DNAJC1: variants seen among roughly 807,000 people sequenced by gnomAD.
DNAJC1 encodes the protein dnaJ homolog subfamily C member 1.
Under a neutral mutation model 76.6 loss-of-function variants are expected in DNAJC1, and 58 were observed. That is an observed-to-expected ratio of 0.76 (90% CI 0.61 to 0.94). The LOEUF is 0.94. DNAJC1 is among the 40% of genes least tolerant of loss of function. DNAJC1 has a pLI of 0.00. For missense variants in DNAJC1, 689 were observed against 677.3 expected (o/e 1.02, Z -0.19); for synonymous variants, 258 against 267.9 (o/e 0.96, Z 0.36).
At chr10:21,999,889 A>G (rs946397009) in intron 1 of DNAJC1, among the ~76,000 whole-genome samples, 2 of 152,080 alleles carry the variant, frequency 1.3e-5, no homozygotes, top group Non-Finnish European at 2.9e-5. Context: ...CGGACTCCCA[A>G]ATTCCTATCT....
rs186876685 is a variant in DNAJC1 at position 21,842,401 on chromosome 10, G to T, written c.979-36302C>A. On this transcript the variant is annotated intron_variant, in intron 8 of 11. Transcript: ENST00000376980. ...TCCAAGGAAGAGATGAAAACACAGA[G>T]AGGTAGGGCCAGGATAAACTGGACT... Among the ~76,000 whole-genome samples the T allele has an allele frequency of 2.2e-3, 336 of 152,268 alleles. 3 individuals are homozygous for T. Among genetic ancestry groups the T allele is most frequent in the African/African-American group, 7.7e-3 (320 of 41,580 alleles).
At chr10:22,001,765 ACT>A (rs1304458267) in intron 1 of DNAJC1, among the ~76,000 whole-genome samples, 1 of 152,086 alleles carries the variant, frequency 6.6e-6, no homozygotes, top group African/African-American at 2.4e-5. Context: ...TATGTTTAAG[ACT>A]CTCTTTACGT....
At chr10:21,805,864 A>G in intron 9 of DNAJC1, 116 bp downstream of exon 9, 1 of 1,361,224 alleles carries the variant, frequency 7.3e-7, no homozygotes, top group African/African-American at 1.4e-5. Context: ...CAGGTCCTAA[A>G]AGGATTGTTG....
chr10:21,834,834 C>T (rs888768325), intron 8 of DNAJC1, among the ~76,000 whole-genome samples: 1 of 152,196 alleles, frequency 6.6e-6, no homozygotes, highest in African/African-American at 2.4e-5. Flanking sequence ...CCAGGAAGCT[C>T]GAACAGGGTG....
chr10:21,993,533 T>C (rs1384567140), intron 1 of DNAJC1, among the ~76,000 whole-genome samples: 1 of 152,192 alleles, frequency 6.6e-6, no homozygotes, highest in Non-Finnish European at 1.5e-5. Flanking sequence ...TACTTATGCC[T>C]ACAGTTGTGA....
chr10:21,836,420 T>G (rs1234244092), intron 8 of DNAJC1, among the ~76,000 whole-genome samples: 1 of 152,100 alleles, frequency 6.6e-6, no homozygotes, highest in African/African-American at 2.4e-5. Context: ...CTGCATCAAC[T>G]AACGAGCAAC....
At chr10:21,866,436 A>G (rs1564811980) in intron 8 of DNAJC1, among the ~76,000 whole-genome samples, 1 of 152,014 alleles carries the variant, frequency 6.6e-6, no homozygotes, top group South Asian at 2.1e-4. Context: ...CCCAAAGCAG[A>G]AAAGTTACTA....
chr10:21,760,517 C>A (rs1012756630), intron 10 of DNAJC1, among the ~76,000 whole-genome samples: 2 of 152,136 alleles, frequency 1.3e-5, no homozygotes, highest in Non-Finnish European at 2.9e-5. Flanking sequence ...TGACAATACC[C>A]AGTGCTGGCA....
In DNAJC1 at chr10:21,898,616, G is replaced by A. The variant is rs949610684; in HGVS notation, c.820+5906C>T. ...TGCCCAGGCTGGAGTGCAATGGCGC[G>A]ATCTTGGCTCACTGCAACCTCCACC... On this transcript the variant is annotated intron_variant, in intron 7 of 11. Coordinates refer to ENST00000376980, the MANE Select transcript of DNAJC1 (RefSeq NM_022365.4). Among the ~76,000 whole-genome samples the A allele has an allele frequency of 5.3e-5, 8 of 149,896 alleles. No individual in the cohort carries two copies. In the South Asian group the frequency reaches 1.3e-3, roughly 24 times the overall value.
chr10:21,944,348 T>C (rs1837470965), intron 1 of DNAJC1, among the ~76,000 whole-genome samples: 1 of 152,212 alleles, frequency 6.6e-6, no homozygotes, highest in African/African-American at 2.4e-5. Flanking sequence ...CTTATCTCCA[T>C]ATAAATAGAC....
chr10:22,001,249 A>C (rs1227982043), intron 1 of DNAJC1, among the ~76,000 whole-genome samples: 2 of 152,160 alleles, frequency 1.3e-5, no homozygotes, highest in Non-Finnish European at 2.9e-5. Flanking sequence ...CTAGTCACCA[A>C]ATGGCTCTGG....
intron 1 of DNAJC1, among the ~76,000 whole-genome samples, chr10:21,995,018 T>C (rs1044450410): frequency 2.6e-5 from 4 of 151,012 alleles, no homozygotes; most frequent in African/African-American, 9.7e-5. Context: ...CCACTTTAAG[T>C]CAGAAAAGAA....
intron 8 of DNAJC1, among the ~76,000 whole-genome samples, chr10:21,834,591 C>T (rs967032607): frequency 1.3e-4 from 20 of 152,176 alleles, no homozygotes; most frequent in Admixed American, 5.2e-4. Flanking sequence ...CAGTGACAGA[C>T]GGCACCTGGA....
chr10:21,794,007 GCTCAC>G (rs1267508462), intron 9 of DNAJC1, among the ~76,000 whole-genome samples: 3 of 152,140 alleles, frequency 2.0e-5, no homozygotes, highest in Non-Finnish European at 2.9e-5. Context: ...GGGCAAGGTG[GCTCAC>G]GCCTGTAATC....
Position 21,954,515 on chromosome 10 carries a change from G to A in DNAJC1, c.223-25374C>T, listed in dbSNP as rs1329717150. 3.9e-5 allele frequency among the ~76,000 whole-genome samples: 6 copies of A among 152,112 alleles called. No individual in the cohort carries two copies. The South Asian group carries it at 6.2e-4, about 16-fold the overall frequency. Reference sequence around the variant, plus strand: ...ACAAAGAGGCAGCATCGCCCCAAACGTAATTTTTCAAATATTAAAAAAACA... The same window carrying A: ...ACAAAGAGGCAGCATCGCCCCAAACATAATTTTTCAAATATTAAAAAAACA... On this transcript the variant is annotated intron_variant, in intron 1 of 11. Transcript: ENST00000376980.
At chr10:21,765,006 G>A (rs1834281871) in intron 10 of DNAJC1, among the ~76,000 whole-genome samples, 1 of 152,086 alleles carries the variant, frequency 6.6e-6, no homozygotes. Context: ...CCTCCACCAA[G>A]CTCCAGGAAG....
chr10:21,852,582 T>C (rs1421269166), intron 8 of DNAJC1, among the ~76,000 whole-genome samples: 1 of 152,134 alleles, frequency 6.6e-6, no homozygotes, highest in African/African-American at 2.4e-5. Context: ...TATCAAGTGT[T>C]GTCAGGGTGT....
At chr10:21,776,767 A>C (rs1261294301) in intron 9 of DNAJC1, among the ~76,000 whole-genome samples, 2 of 152,240 alleles carry the variant, frequency 1.3e-5, no homozygotes, top group African/African-American at 4.8e-5. Context: ...TTAAAAGCGA[A>C]GGTCTTTGAT....
At chr10:21,891,990 AAAAT>A (rs1242463550) in intron 7 of DNAJC1, among the ~76,000 whole-genome samples, 1 of 152,162 alleles carries the variant, frequency 6.6e-6, no homozygotes. Flanking sequence ...TGTTATAAAG[AAAAT>A]ACTCAAGACA....
Sources: allele counts gnomAD v4.1 joint callset (sites outside exome capture counted in the v4.1 genomes callset), GRCh38; gene constraint gnomAD v4.1.1; transcripts MANE v1.5; gene names NCBI Gene and HGNC (gene_info 2026-07-23, HGNC 2026-07-21).